IFT52: variants seen among roughly 807,000 people sequenced by gnomAD.
IFT52 encodes intraflagellar transport protein 52 homolog.
IFT52 carries 44 observed loss-of-function variants against 54.4 expected under a neutral mutation model. The ratio of observed to expected loss-of-function variants is 0.81; its 90% CI spans 0.63 to 1.04. The LOEUF is 1.04. Among genes scored for constraint, IFT52 ranks in the 50% least tolerant of loss-of-function variants. IFT52 has a pLI of 0.00. For synonymous variants in IFT52, 181 were observed against 185.3 expected (o/e 0.98, Z 0.19); for missense variants, 452 against 523.6 (o/e 0.86, Z 1.33).
At chr20:43,614,459 C>G (rs1983702172) in intron 7 of IFT52, among the ~76,000 whole-genome samples, 1 of 151,960 alleles carries the variant, frequency 6.6e-6, no homozygotes, top group African/African-American at 2.4e-5. Flanking sequence ...TGGTCTCGAT[C>G]TCCTGACCAT....
intron 11 of IFT52, 72 bp from the exon 12 acceptor site, chr20:43,637,073 C>G: frequency 9.3e-7 from 1 of 1,071,172 alleles, no homozygotes; most frequent in Non-Finnish European, 1.4e-6. Context: ...TGGACAAGCT[C>G]TTTCTTGAGA....
chr20:43,593,110 T>G (rs982835971), intron 1 of IFT52, among the ~76,000 whole-genome samples: 3 of 151,902 alleles, frequency 2.0e-5, no homozygotes, highest in African/African-American at 4.8e-5. Context: ...CAAATAATAA[T>G]AATAAGAAGA....
At chr20:43,646,827 G>A in intron 13 of IFT52, 109 bp from the exon 14 acceptor site, 1 of 945,140 alleles carries the variant, frequency 1.1e-6, no homozygotes, top group Non-Finnish European at 1.7e-6. Context: ...TTATGTATAT[G>A]TCCTAATTAA....
At chr20:43,592,570 C>CA (rs10715757) in intron 1 of IFT52, among the ~76,000 whole-genome samples, 1,507 of 142,106 alleles carry the variant, frequency 0.011, 20 homozygotes, top group African/African-American at 0.035. Context: ...CAGACTCTCT[C>CA]AAAAAAAAAA....
Position 43,598,622 on chromosome 20 carries a change from G to C in IFT52, c.207+2100G>C, listed in dbSNP as rs561716717. On this transcript the variant is annotated intron_variant, in intron 3 of 13. Transcript: ENST00000373030. ...AGGTGGGAGAATCGCTTGAACCTGGGAGGCGGAGGTTGCAGTGAGCCGAGA... is the reference window on the plus strand; with the variant it reads ...AGGTGGGAGAATCGCTTGAACCTGGCAGGCGGAGGTTGCAGTGAGCCGAGA... Among the ~76,000 whole-genome samples the C allele has an allele frequency of 2.1e-4, 32 of 152,266 alleles. No homozygotes were observed. In the East Asian group the frequency reaches 5.6e-3, roughly 27 times the overall value.
chr20:43,604,156 A>G (rs1200433831), intron 4 of IFT52, 27 bp from the exon 5 acceptor site: 4 of 1,540,778 alleles, frequency 2.6e-6, no homozygotes, highest in African/African-American at 1.4e-5. Context: ...AACCTAAAAT[A>G]TACCTCCTTC....
At chr20:43,604,808 T>C (rs1982728786) in intron 5 of IFT52, among the ~76,000 whole-genome samples, 194 bp from the exon 6 acceptor site, 1 of 152,172 alleles carries the variant, frequency 6.6e-6, no homozygotes, top group Non-Finnish European at 1.5e-5. Flanking sequence ...TATATATATA[T>C]GTATTTTTTG....
At chr20:43,596,568 G>T in intron 3 of IFT52, 46 bp downstream of exon 3, 1 of 1,296,348 alleles carries the variant, frequency 7.7e-7, no homozygotes, top group Non-Finnish European at 1.1e-6. Flanking sequence ...ATGATTAGGA[G>T]TCTGAGCTTT....
intron 3 of IFT52, among the ~76,000 whole-genome samples, chr20:43,597,325 C>T (rs575488130): frequency 5.4e-5 from 8 of 148,832 alleles, no homozygotes; most frequent in East Asian, 4.1e-4. Flanking sequence ...GTGCCAAGAT[C>T]GCGCCATCTC....
At chr20:43,623,190 A>T (rs115310881) in intron 9 of IFT52, among the ~76,000 whole-genome samples, 2 of 152,040 alleles carry the variant, frequency 1.3e-5, no homozygotes, top group Non-Finnish European at 2.9e-5. Flanking sequence ...GGGAAAACCA[A>T]TTTTTTTGTT....
chr20:43,607,104 C>T (rs960971412), intron 6 of IFT52, among the ~76,000 whole-genome samples: 1 of 152,260 alleles, frequency 6.6e-6, no homozygotes, highest in African/African-American at 2.4e-5. Context: ...TTGGGTACAC[C>T]TCCCAGACTG....
chr20:43,605,156 T>C, intron 6 of IFT52, 83 bp downstream of exon 6: 1 of 1,559,306 alleles, frequency 6.4e-7, no homozygotes, highest in Non-Finnish European at 8.6e-7. Flanking sequence ...CTTTTGTTTC[T>C]GGTTACAAAA....
In IFT52 at chr20:43,646,907, A is replaced by G. The variant is rs751794902; in HGVS notation, c.1267-29A>G. 39 of 1,591,576 alleles carry G rather than the reference A, an allele frequency of 2.5e-5. 1 individual carries two copies. In the South Asian group the frequency reaches 4.1e-4, roughly 17 times the overall value. Reference sequence around the variant, plus strand: ...ATTTCAGGCTTTATACTGAAATACTAAAATTCTGTGTCTTATTCTCTCATC... The same window carrying G: ...ATTTCAGGCTTTATACTGAAATACTGAAATTCTGTGTCTTATTCTCTCATC... On this transcript the variant is annotated intron_variant, in intron 13 of 13. Coordinates refer to ENST00000373030, the MANE Select transcript of IFT52 (RefSeq NM_016004.5).
At chr20:43,636,087 G>A (rs1182289303) in intron 11 of IFT52, 74 bp downstream of exon 11, 13 of 1,374,224 alleles carry the variant, frequency 9.5e-6, no homozygotes, top group South Asian at 2.4e-5. Context: ...GGCATTCGCT[G>A]TGGTCCCTTC....
chr20:43,642,976 G>C (rs1213212468), intron 13 of IFT52, among the ~76,000 whole-genome samples: 2 of 151,998 alleles, frequency 1.3e-5, no homozygotes, highest in Non-Finnish European at 2.9e-5. Flanking sequence ...AGACCAGCCT[G>C]ACCAACATGG....
In IFT52 at chr20:43,637,159, T is replaced by A. The variant is rs973090222; in HGVS notation, c.1026T>A (p.Ser342Arg). The A allele has an allele frequency of 1.9e-6, 3 of 1,610,766 alleles. No individual in the cohort carries two copies. In the Admixed American group the frequency reaches 5.0e-5, roughly 27 times the overall value. Reference protein sequence around the residue: ...PTLQPAVFPPSFRELPPPPLE... With the variant: ...PTLQPAVFPPRFRELPPPPLE... ...TTTCCTTTTAGGTTTTTCCTCCCAGTTTCCGGGAGTTACCACCTCCTCCTC... is the reference window on the plus strand; with the variant it reads ...TTTCCTTTTAGGTTTTTCCTCCCAGATTCCGGGAGTTACCACCTCCTCCTC... The change falls in exon 12 of 14, where the codon AGT becomes AGA. Residue 342 changes from serine (S) to arginine (R), a missense_variant. Transcript: ENST00000373030.
intron 10 of IFT52, among the ~76,000 whole-genome samples, chr20:43,628,829 C>T (rs568252353): frequency 1.0e-4 from 15 of 148,796 alleles, no homozygotes; most frequent in Admixed American, 5.5e-4. Context: ...CCAGCCTGGG[C>T]GACAGGCAGA....
chr20:43,629,383 C>T (rs554925125), intron 10 of IFT52, among the ~76,000 whole-genome samples: 4 of 151,958 alleles, frequency 2.6e-5, no homozygotes, highest in Admixed American at 1.3e-4. Flanking sequence ...CGCCATTCGT[C>T]GGCCTCAGCC....
intron 10 of IFT52, among the ~76,000 whole-genome samples, chr20:43,632,932 G>A (rs1243944708): frequency 6.6e-6 from 1 of 152,172 alleles, no homozygotes; most frequent in African/African-American, 2.4e-5. Context: ...TTCTCAATGA[G>A]TAATAATGTA....
Sources: allele counts gnomAD v4.1 joint callset (sites outside exome capture counted in the v4.1 genomes callset), GRCh38; gene constraint gnomAD v4.1.1; transcripts MANE v1.5; gene names NCBI Gene and HGNC (gene_info 2026-07-23, HGNC 2026-07-21).